Variants in DPF3 observed in about 807,000 individuals in gnomAD.
DPF3 encodes zinc finger protein DPF3.
In DPF3, 18 loss-of-function variants were observed where a neutral mutation model predicts 56.8. That is an observed-to-expected ratio of 0.32 (90% CI 0.22 to 0.47). The LOEUF is 0.47. DPF3 is among the 20% of genes least tolerant of loss of function. The pLI is 1.00. For missense variants in DPF3, 403 were observed against 488.8 expected, an observed-to-expected ratio of 0.82 and a Z score of 1.65; for synonymous variants, 188 against 180.2, an observed-to-expected ratio of 1.04 and a Z score of -0.35.
Position 72,617,852 on chromosome 14 carries a change from G to A in DPF3, c.*1445C>T, listed in dbSNP as rs1294082768. Among the ~76,000 whole-genome samples the A allele has an allele frequency of 3.3e-5, 5 of 152,182 alleles. 1 individual carries two copies. The highest frequency in any genetic ancestry group is 7.3e-5 in the Non-Finnish European group (5 of 68,028). On this transcript the variant is annotated 3_prime_UTR_variant, in exon 11 of 11. Coordinates refer to ENST00000556509, the MANE Select transcript of DPF3 (RefSeq NM_001280542.3). The stretch of plus-strand genomic sequence containing the variant: ...TGTGAGCAGCCAGACCACAGAGATG[G>A]AGCTGATTTCAGAGAAGCCAAGCAT...
At chr14:72,777,718 A>G (rs1036329641) in intron 1 of DPF3, among the ~76,000 whole-genome samples, 2 of 151,972 alleles carry the variant, frequency 1.3e-5, no homozygotes, top group South Asian at 2.1e-4. Flanking sequence ...TTAAAAGTGT[A>G]TGGTGCCTCC....
chr14:72,640,147 C>T (rs1885512774), intron 8 of DPF3, among the ~76,000 whole-genome samples: 1 of 147,070 alleles, frequency 6.8e-6, no homozygotes, highest in African/African-American at 2.5e-5. Flanking sequence ...TCAGGCAAAG[C>T]AGAGTAGCTC....
rs1447058652 is a variant in DPF3 at position 72,610,175 on chromosome 14, T to A, written c.*9122A>T. 1.3e-5 allele frequency among the ~76,000 whole-genome samples: 2 copies of A among 152,162 alleles called. No homozygotes were observed. The highest frequency in any genetic ancestry group is 4.8e-5 in the African/African-American group (2 of 41,450). Reference sequence around the variant, plus strand: ...TGGAAGAAGCAATCCCAGGTTTGCTTCGTATCTGCAGGTCTAGAGACATCA... The same window carrying A: ...TGGAAGAAGCAATCCCAGGTTTGCTACGTATCTGCAGGTCTAGAGACATCA... On this transcript the variant is annotated 3_prime_UTR_variant, in exon 11 of 11. Coordinates refer to ENST00000556509, the MANE Select transcript of DPF3 (RefSeq NM_001280542.3).
At chr14:72,688,651 C>T (rs1887539131) in intron 7 of DPF3, among the ~76,000 whole-genome samples, 1 of 152,214 alleles carries the variant, frequency 6.6e-6, no homozygotes, top group Non-Finnish European at 1.5e-5. Flanking sequence ...CTTTCAGAGT[C>T]CTATCCTCCC....
At chr14:72,716,150 A>C (rs2153575969) in intron 5 of DPF3, among the ~76,000 whole-genome samples, 1 of 151,940 alleles carries the variant, frequency 6.6e-6, no homozygotes, top group East Asian at 2.0e-4. Flanking sequence ...GGAGACTAAA[A>C]ATACCTCCAT....
At chr14:72,832,713 G>C (rs1271370817) in intron 1 of DPF3, among the ~76,000 whole-genome samples, 1 of 152,144 alleles carries the variant, frequency 6.6e-6, no homozygotes, top group Non-Finnish European at 1.5e-5. Flanking sequence ...TCTTTCACAT[G>C]AGTAAATCAT....
chr14:72,671,336 G>A (rs1276784354), intron 8 of DPF3: 3 of 1,613,810 alleles, frequency 1.9e-6, no homozygotes, highest in Non-Finnish European at 1.7e-6. Context: ...CCTCCCAAAT[G>A]AGCTGACATG....
chr14:72,686,211 T>TAGCTTCA (rs758564356), intron 7 of DPF3, among the ~76,000 whole-genome samples: 10 of 152,196 alleles, frequency 6.6e-5, no homozygotes, highest in Non-Finnish European at 1.5e-4. Context: ...CACAGGCAGT[T>TAGCTTCA]AGCTTCACAG....
intron 3 of DPF3, among the ~76,000 whole-genome samples, chr14:72,741,038 T>C (rs184499659): frequency 6.6e-6 from 1 of 152,126 alleles, no homozygotes; most frequent in African/African-American, 2.4e-5. Context: ...GGCCCGTCTC[T>C]AAAAATAAAT....
intron 8 of DPF3, among the ~76,000 whole-genome samples, chr14:72,668,659 AT>A (rs1886537262): frequency 6.6e-6 from 1 of 151,498 alleles, no homozygotes; most frequent in African/African-American, 2.4e-5. Flanking sequence ...GCCTTTTATA[AT>A]TTGCTTTAAA....
At chr14:72,620,516 C>T (rs1396429673) in intron 9 of DPF3, among the ~76,000 whole-genome samples, 2 of 152,204 alleles carry the variant, frequency 1.3e-5, no homozygotes. Flanking sequence ...CCAGAAGCTT[C>T]CTCACTGTCT....
At chr14:72,659,113 C>A (rs1886134253) in intron 8 of DPF3, among the ~76,000 whole-genome samples, 1 of 152,132 alleles carries the variant, frequency 6.6e-6, no homozygotes, top group African/African-American at 2.4e-5. Context: ...GTTTGAGACA[C>A]TCCCTACCAC....
At chr14:72,732,275 C>A (rs1889689396) in intron 3 of DPF3, among the ~76,000 whole-genome samples, 1 of 152,188 alleles carries the variant, frequency 6.6e-6, no homozygotes, top group African/African-American at 2.4e-5. Flanking sequence ...ATTGCATCCA[C>A]AAAGCAGGGG....
intron 2 of DPF3, among the ~76,000 whole-genome samples, chr14:72,763,292 C>G (rs1300837641): frequency 1.3e-5 from 2 of 151,886 alleles, no homozygotes; most frequent in Non-Finnish European, 2.9e-5. Context: ...CTAGAATAAT[C>G]AAAATAACTA....
intron 7 of DPF3, among the ~76,000 whole-genome samples, chr14:72,692,647 A>G (rs546685413): frequency 6.6e-6 from 1 of 152,330 alleles, no homozygotes; most frequent in Admixed American, 6.5e-5. Context: ...ACAGCAATAG[A>G]TAAGAATATT....
chr14:72,643,941 G>A (rs1336348871), intron 8 of DPF3, among the ~76,000 whole-genome samples: 1 of 152,002 alleles, frequency 6.6e-6, no homozygotes, highest in East Asian at 1.9e-4. Context: ...AGACCCCAAC[G>A]AAGCCTCACT....
intron 1 of DPF3, among the ~76,000 whole-genome samples, chr14:72,829,386 A>G (rs1883954325): frequency 1.3e-5 from 2 of 152,076 alleles, no homozygotes; most frequent in Admixed American, 1.3e-4. Flanking sequence ...ATCCCTAATA[A>G]ACAGTTTTTT....
chr14:72,765,237 A>T (rs1022248742), intron 2 of DPF3, among the ~76,000 whole-genome samples: 1 of 152,228 alleles, frequency 6.6e-6, no homozygotes, highest in Non-Finnish European at 1.5e-5. Flanking sequence ...AAAAATTTTC[A>T]AACTGACCAC....
chr14:72,822,109 C>T (rs113632771), intron 1 of DPF3, among the ~76,000 whole-genome samples: 321 of 152,252 alleles, frequency 2.1e-3, no homozygotes, highest in Non-Finnish European at 2.7e-3. Context: ...CTAGGCTGGG[C>T]GCAGTGGCTT....
Sources: gnomAD v4.1 joint callset for allele counts (sites outside exome capture counted in the v4.1 genomes callset) on GRCh38, gnomAD v4.1.1 for gene constraint, MANE v1.5 for transcripts, NCBI Gene and HGNC (gene_info 2026-07-23, HGNC 2026-07-21) for gene names.